Variants in BNC2 observed in about 807,000 individuals in gnomAD.
BNC2 encodes the protein zinc finger protein basonuclin-2.
Under a neutral mutation model 76.3 loss-of-function variants are expected in BNC2, and 20 were observed. That is an observed-to-expected ratio of 0.26 (90% CI 0.18 to 0.38). The LOEUF (loss-of-function observed/expected upper bound fraction) is 0.38, where lower values mean the gene tolerates loss of function less well. Among genes scored for constraint, BNC2 ranks in the 10% least tolerant of loss-of-function variants. BNC2 has a pLI of 1.00. For missense variants in BNC2, 1,382 were observed against 1,399.8 expected, an observed-to-expected ratio of 0.99 and a Z score of 0.20; for synonymous variants, 582 against 514.8, an observed-to-expected ratio of 1.13 and a Z score of -1.77.
chr9:16,459,056 C>T (rs762485839), intron 5 of BNC2, among the ~76,000 whole-genome samples: 44 of 152,082 alleles, frequency 2.9e-4, no homozygotes, highest in Non-Finnish European at 3.5e-4. Context: ...GTGAATAACA[C>T]CATTAATCAA....
In BNC2 at chr9:16,462,106, ATTGCTTT is replaced by A. The variant is rs571760200; in HGVS notation, c.670-24589_670-24583del. 2.0e-5 allele frequency among the ~76,000 whole-genome samples: 3 copies of A among 152,240 alleles called. No homozygotes were observed. The East Asian group carries it at 5.8e-4, about 29-fold the overall frequency. On this transcript the variant is annotated intron_variant, in intron 5 of 6. Transcript: ENST00000380672. Reference sequence around the variant, plus strand: ...TGAGTGTCCATTGGCAAGTCTATGGATTGCTTTTTCCTCAGCCACTCTCTCAGAAATC... The same window carrying A: ...TGAGTGTCCATTGGCAAGTCTATGGATTCCTCAGCCACTCTCTCAGAAATC...
At chr9:16,678,339 T>C (rs1349783171) in intron 3 of BNC2, among the ~76,000 whole-genome samples, 2 of 131,418 alleles carry the variant, frequency 1.5e-5, no homozygotes, top group East Asian at 5.4e-4. Flanking sequence ...AGTGCAGTGG[T>C]GCAATCTCGG....
chr9:16,506,502 C>A (rs1822627054), intron 5 of BNC2, among the ~76,000 whole-genome samples: 1 of 129,242 alleles, frequency 7.7e-6, no homozygotes, highest in Non-Finnish European at 1.6e-5. Flanking sequence ...ACTTCTCTCT[C>A]TCTCTCTCCT....
chr9:16,604,177 A>G (rs1468955790), intron 3 of BNC2, among the ~76,000 whole-genome samples: 2 of 152,206 alleles, frequency 1.3e-5, no homozygotes, highest in Non-Finnish European at 2.9e-5. Context: ...AGTACAATAC[A>G]AACCAATACA....
chr9:16,789,253 G>A (rs529959759), intron 1 of BNC2, among the ~76,000 whole-genome samples: 1 of 152,078 alleles, frequency 6.6e-6, no homozygotes, highest in Admixed American at 6.5e-5. Flanking sequence ...GAGCACTGGG[G>A]GATTTTAGGG....
chr9:16,755,510 C>T lies in BNC2; in HGVS notation c.4-17025G>A, dbSNP rs544219309. ...GGGTAATATCACTATGCTAACTATG[C>T]AATTATATGACAAAAGAGATGACCC... On this transcript the variant is annotated intron_variant, in intron 1 of 6. Transcript: ENST00000380672. 6.6e-5 allele frequency among the ~76,000 whole-genome samples: 10 copies of T among 152,188 alleles called. No individual in the cohort carries two copies. The South Asian group carries it at 1.0e-3, about 16-fold the overall frequency.
chr9:16,771,415 TCTTA>T (rs1825828261), intron 1 of BNC2, among the ~76,000 whole-genome samples: 1 of 152,212 alleles, frequency 6.6e-6, no homozygotes, highest in South Asian at 2.1e-4. Flanking sequence ...AAAACTTGGC[TCTTA>T]CTGTCTGCAA....
intron 5 of BNC2, among the ~76,000 whole-genome samples, chr9:16,468,331 G>C (rs1327167256): frequency 6.6e-6 from 1 of 151,890 alleles, no homozygotes; most frequent in Non-Finnish European, 1.5e-5. Context: ...TAGCTAATAT[G>C]TTTTGAACAT....
chr9:16,795,622 G>A (rs370390029), intron 1 of BNC2, among the ~76,000 whole-genome samples: 2 of 152,178 alleles, frequency 1.3e-5, no homozygotes, highest in Admixed American at 6.5e-5. Flanking sequence ...CTGATCCCAG[G>A]CTCACACACA....
At chr9:16,422,625 A>G (rs1820731616) in intron 6 of BNC2, among the ~76,000 whole-genome samples, 1 of 152,234 alleles carries the variant, frequency 6.6e-6, no homozygotes, top group Non-Finnish European at 1.5e-5. Flanking sequence ...GGATGGACTG[A>G]GGAAAGTCTG....
At chr9:16,857,767 A>C (rs768258338) in intron 1 of BNC2, among the ~76,000 whole-genome samples, 1 of 152,254 alleles carries the variant, frequency 6.6e-6, no homozygotes, top group Non-Finnish European at 1.5e-5. Flanking sequence ...TGCAGTGAAG[A>C]ATGGTCCATC....
At chr9:16,665,699 G>C (rs766850971) in intron 3 of BNC2, among the ~76,000 whole-genome samples, 2 of 152,094 alleles carry the variant, frequency 1.3e-5, no homozygotes, top group Non-Finnish European at 2.9e-5. Flanking sequence ...TTTCTAATCA[G>C]AACAAAATTT....
intron 4 of BNC2, among the ~76,000 whole-genome samples, chr9:16,567,511 C>T (rs1819203202): frequency 6.6e-6 from 1 of 152,066 alleles, no homozygotes. Context: ...GCTCCTCAAA[C>T]CTTCAAATAA....
intron 5 of BNC2, among the ~76,000 whole-genome samples, chr9:16,462,739 C>T (rs552606659): frequency 2.0e-5 from 3 of 152,166 alleles, no homozygotes; most frequent in East Asian, 1.9e-4. Context: ...TCATTTTCTC[C>T]ATTCCTGCTT....
chr9:16,520,760 A>G (rs1319291837), intron 5 of BNC2, among the ~76,000 whole-genome samples: 2 of 152,214 alleles, frequency 1.3e-5, no homozygotes, highest in Admixed American at 1.3e-4. Flanking sequence ...CTGTACCTGC[A>G]TAAGCTATGG....
At chr9:16,656,482 G>A (rs915897417) in intron 3 of BNC2, among the ~76,000 whole-genome samples, 1 of 152,034 alleles carries the variant, frequency 6.6e-6, no homozygotes, top group Non-Finnish European at 1.5e-5. Flanking sequence ...AAGAAATAAT[G>A]GAAGGCTCCC....
At chr9:16,479,563 A>T (rs1822002441) in intron 5 of BNC2, among the ~76,000 whole-genome samples, 1 of 152,234 alleles carries the variant, frequency 6.6e-6, no homozygotes, top group Non-Finnish European at 1.5e-5. Flanking sequence ...TGTATCTACC[A>T]TCTAAATTCT....
At chr9:16,846,156 A>G (rs890463143) in intron 1 of BNC2, among the ~76,000 whole-genome samples, 1 of 148,242 alleles carries the variant, frequency 6.7e-6, no homozygotes, top group African/African-American at 2.5e-5. Context: ...AAAAAAAAAA[A>G]TTAATTTAGT....
chr9:16,566,383 T>A (rs1237740701), intron 4 of BNC2, among the ~76,000 whole-genome samples: 1 of 152,214 alleles, frequency 6.6e-6, no homozygotes, highest in Non-Finnish European at 1.5e-5. Context: ...ATTTCATCCA[T>A]GTCCCTTTCT....
Sources: gnomAD v4.1 joint callset for allele counts (sites outside exome capture counted in the v4.1 genomes callset) on GRCh38, gnomAD v4.1.1 for gene constraint, MANE v1.5 for transcripts, NCBI Gene and HGNC (gene_info 2026-07-23, HGNC 2026-07-21) for gene names.